Variants in ZNF804B observed in about 807,000 individuals in gnomAD.
The protein encoded by ZNF804B is zinc finger protein 804B.
In ZNF804B, 80 loss-of-function variants were observed where a neutral mutation model predicts 101.4. The ratio of observed to expected loss-of-function variants is 0.79; its 90% CI spans 0.66 to 0.95. ZNF804B has a LOEUF of 0.95. ZNF804B is among the 40% of genes least tolerant of loss of function. The pLI, the probability that ZNF804B is intolerant of heterozygous loss-of-function variation, is 0.00. For missense variants in ZNF804B, 1,673 were observed against 1,561.9 expected, an observed-to-expected ratio of 1.07 and a Z score of -1.20; for synonymous variants, 622 against 558.8, an observed-to-expected ratio of 1.11 and a Z score of -1.59.
chr7:88,952,399 A>G (rs1324117077), intron 1 of ZNF804B, among the ~76,000 whole-genome samples: 1 of 151,832 alleles, frequency 6.6e-6, no homozygotes, highest in African/African-American at 2.4e-5. Context: ...CATGGGACCA[A>G]GGTGGATAAC....
intron 2 of ZNF804B, among the ~76,000 whole-genome samples, chr7:89,320,796 A>G (rs1210307294): frequency 2.0e-5 from 3 of 152,258 alleles, no homozygotes; most frequent in Middle Eastern, 3.4e-3. Context: ...TTTACATACA[A>G]GAAAGCAATA....
At chr7:88,993,355 A>G (rs536793864) in intron 1 of ZNF804B, among the ~76,000 whole-genome samples, 1 of 152,020 alleles carries the variant, frequency 6.6e-6, no homozygotes, top group Non-Finnish European at 1.5e-5. Context: ...CGTTTTACCA[A>G]ATCCTTGAGG....
intron 1 of ZNF804B, among the ~76,000 whole-genome samples, chr7:89,208,895 C>T (rs1401445346): frequency 1.3e-5 from 2 of 151,982 alleles, no homozygotes; most frequent in East Asian, 3.9e-4. Flanking sequence ...CCGTGTAGTA[C>T]CAGCTATTCG....
intron 1 of ZNF804B, among the ~76,000 whole-genome samples, chr7:88,937,654 C>A (rs1792993263): frequency 6.6e-6 from 1 of 151,118 alleles, no homozygotes; most frequent in African/African-American, 2.4e-5. Context: ...AATCTAATTT[C>A]TTGTAAGATA....
Position 89,231,754 on chromosome 7 carries a change from A to AT in ZNF804B, c.249+13465dup, listed in dbSNP as rs747164300. 2.6e-5 allele frequency among the ~76,000 whole-genome samples: 4 copies of AT among 152,126 alleles called. No homozygotes were observed. The East Asian group carries it at 5.8e-4, about 22-fold the overall frequency. The stretch of plus-strand genomic sequence containing the variant: ...TTGCCACTACATGAATATCCAATAG[A>AT]TTTTTTATATTAATATTACTATTTT... On this transcript the variant is annotated intron_variant, in intron 2 of 3. Coordinates refer to ENST00000333190, the MANE Select transcript of ZNF804B (RefSeq NM_181646.5).
intron 1 of ZNF804B, among the ~76,000 whole-genome samples, chr7:88,850,920 T>C (rs1370689064): frequency 6.6e-6 from 1 of 151,986 alleles, no homozygotes; most frequent in Non-Finnish European, 1.5e-5. Flanking sequence ...AGAGGAAAGG[T>C]TGAACATGCT....
chr7:88,925,705 C>T (rs1792787156), intron 1 of ZNF804B, among the ~76,000 whole-genome samples: 1 of 152,164 alleles, frequency 6.6e-6, no homozygotes, highest in Admixed American at 6.5e-5. Context: ...TTCTATCTAG[C>T]TGCAGCAGCC....
At chr7:89,277,799 G>A (rs62472180) in intron 2 of ZNF804B, among the ~76,000 whole-genome samples, 18,537 of 151,680 alleles carry the variant, frequency 0.12, 1,215 homozygotes, top group Middle Eastern at 0.26. Flanking sequence ...TAATAGTGCC[G>A]AAATAAACAT....
intron 1 of ZNF804B, among the ~76,000 whole-genome samples, chr7:89,192,526 A>T (rs1323990298): frequency 1.3e-5 from 2 of 152,118 alleles, no homozygotes; most frequent in Non-Finnish European, 2.9e-5. Flanking sequence ...ATAAAATCTT[A>T]TGAAATGCAA....
At chr7:88,903,096 C>T (rs1256520764) in intron 1 of ZNF804B, among the ~76,000 whole-genome samples, 1 of 148,842 alleles carries the variant, frequency 6.7e-6, no homozygotes, top group African/African-American at 2.5e-5. Flanking sequence ...ATCACCCTTC[C>T]CCCTTCCTCC....
intron 1 of ZNF804B, among the ~76,000 whole-genome samples, chr7:89,056,727 A>G (rs1426105647): frequency 1.3e-5 from 2 of 152,144 alleles, no homozygotes. Flanking sequence ...GTTTTGCCTA[A>G]TTCCTGAAAT....
At chr7:88,977,690 C>A (rs73401213) in intron 1 of ZNF804B, among the ~76,000 whole-genome samples, 5,706 of 151,238 alleles carry the variant, frequency 0.038, 377 homozygotes, top group African/African-American at 0.13. Flanking sequence ...AATAAACTAA[C>A]TTTTTATTCT....
At chr7:89,271,863 G>C (rs1450094012) in intron 2 of ZNF804B, among the ~76,000 whole-genome samples, 1 of 152,068 alleles carries the variant, frequency 6.6e-6, no homozygotes, top group Non-Finnish European at 1.5e-5. Context: ...GCGTAGAGGT[G>C]TTTTTAGTAT....
chr7:89,012,507 T>A (rs1400863835), intron 1 of ZNF804B, among the ~76,000 whole-genome samples: 1 of 152,180 alleles, frequency 6.6e-6, no homozygotes, highest in Non-Finnish European at 1.5e-5. Context: ...AGTTCAAAAT[T>A]CCATAAATCT....
intron 1 of ZNF804B, among the ~76,000 whole-genome samples, chr7:89,059,508 C>A (rs569380633): frequency 6.6e-6 from 1 of 152,160 alleles, no homozygotes; most frequent in South Asian, 2.1e-4. Context: ...AGCAAGAACT[C>A]ACTCATCACC....
At chr7:88,909,193 G>T (rs971325931) in intron 1 of ZNF804B, among the ~76,000 whole-genome samples, 2 of 151,772 alleles carry the variant, frequency 1.3e-5, no homozygotes, top group South Asian at 4.1e-4. Context: ...ATGGTCTTCA[G>T]TTGTAGTTTT....
At chr7:89,117,711 T>A (rs557233016) in intron 1 of ZNF804B, among the ~76,000 whole-genome samples, 1 of 152,306 alleles carries the variant, frequency 6.6e-6, no homozygotes, top group African/African-American at 2.4e-5. Context: ...AGTGAGAAAA[T>A]TTTTTATTCA....
intron 2 of ZNF804B, among the ~76,000 whole-genome samples, chr7:89,247,338 A>G (rs1226179030): frequency 2.2e-4 from 34 of 152,194 alleles, no homozygotes; most frequent in Admixed American, 2.2e-3. Flanking sequence ...GCCTGAGGCA[A>G]CAGAGGGCTT....
chr7:89,116,193 C>T (rs1790310042), intron 1 of ZNF804B, among the ~76,000 whole-genome samples: 1 of 151,938 alleles, frequency 6.6e-6, no homozygotes, highest in African/African-American at 2.4e-5. Context: ...GGATTACAGG[C>T]ATGAGCCACC....
Sources: gnomAD v4.1 joint callset for allele counts (sites outside exome capture counted in the v4.1 genomes callset) on GRCh38, gnomAD v4.1.1 for gene constraint, MANE v1.5 for transcripts, NCBI Gene and HGNC (gene_info 2026-07-23, HGNC 2026-07-21) for gene names.